The following KCNH1 variants were observed in gnomAD, a reference collection of about 807,000 sequenced individuals.
KCNH1 encodes voltage-gated delayed rectifier potassium channel KCNH1.
KCNH1 carries 27 observed loss-of-function variants against 69.2 expected under a neutral mutation model. The ratio of observed to expected loss-of-function variants is 0.39; its 90% CI spans 0.29 to 0.54. The LOEUF is 0.54. KCNH1 is among the 20% of genes least tolerant of loss of function. The probability of loss-of-function intolerance (pLI) is 0.68; values close to 1 mark genes in which losing one functional copy is unlikely to be tolerated. For synonymous variants in KCNH1, 456 were observed against 487.7 expected, an observed-to-expected ratio of 0.93 and a Z score of 0.86; for missense variants, 798 against 1,261.6, an observed-to-expected ratio of 0.63 and a Z score of 5.57.
At chr1:210,866,479 A>G (rs1574305664) in intron 7 of KCNH1, among the ~76,000 whole-genome samples, 1 of 152,338 alleles carries the variant, frequency 6.6e-6, no homozygotes. Flanking sequence ...TCTCCAAAGA[A>G]GATATAGAAA....
intron 7 of KCNH1, among the ~76,000 whole-genome samples, chr1:210,864,555 AC>A (rs1686062530): frequency 6.6e-6 from 1 of 152,186 alleles, no homozygotes; most frequent in Non-Finnish European, 1.5e-5. Context: ...ACGGATGGTA[AC>A]CCTAAGGGTT....
At chr1:210,929,714 A>G (rs1450710729) in intron 6 of KCNH1, among the ~76,000 whole-genome samples, 5 of 152,200 alleles carry the variant, frequency 3.3e-5, no homozygotes, top group African/African-American at 1.2e-4. Flanking sequence ...GGGCATCCGA[A>G]TCAATACAGA....
At chr1:211,004,091 CAAAAAAG>C (rs1353499286) in intron 6 of KCNH1, among the ~76,000 whole-genome samples, 3 of 151,186 alleles carry the variant, frequency 2.0e-5, no homozygotes, top group African/African-American at 4.9e-5. Flanking sequence ...GACTCTGTCT[CAAAAAAG>C]AAAAAAGAAA....
chr1:210,754,389 G>A (rs765144309), intron 10 of KCNH1, among the ~76,000 whole-genome samples: 3 of 152,150 alleles, frequency 2.0e-5, no homozygotes, highest in South Asian at 4.1e-4. Flanking sequence ...CCACTCTTAG[G>A]ACTAATCACT....
intron 7 of KCNH1, among the ~76,000 whole-genome samples, chr1:210,847,208 G>T (rs572788770): frequency 1.8e-3 from 272 of 152,260 alleles, no homozygotes; most frequent in African/African-American, 6.2e-3. Flanking sequence ...AATACCATTT[G>T]ACCCAGCCAT....
intron 10 of KCNH1, among the ~76,000 whole-genome samples, chr1:210,773,135 A>G (rs1358224151): frequency 6.6e-6 from 1 of 152,238 alleles, no homozygotes; most frequent in Non-Finnish European, 1.5e-5. Context: ...ATCAAAAAAT[A>G]GCTTATAAGA....
intron 6 of KCNH1, among the ~76,000 whole-genome samples, chr1:210,938,101 A>G (rs969746074): frequency 2.2e-4 from 33 of 152,312 alleles, no homozygotes; most frequent in African/African-American, 7.7e-4. Flanking sequence ...CCTTCAGTCT[A>G]TCTCCTAACC....
intron 1 of KCNH1, among the ~76,000 whole-genome samples, chr1:211,124,656 C>T (rs561695621): frequency 1.3e-5 from 2 of 152,132 alleles, no homozygotes; most frequent in Admixed American, 6.5e-5. Context: ...CCACTTTATC[C>T]AAAGAACAAG....
intron 6 of KCNH1, among the ~76,000 whole-genome samples, chr1:210,921,951 G>A (rs1018386514): frequency 5.3e-5 from 8 of 152,132 alleles, no homozygotes; most frequent in Non-Finnish European, 1.0e-4. Context: ...TGACAAATAC[G>A]GAGCCCCTCT....
At chr1:210,894,332 C>T (rs1250075624) in intron 7 of KCNH1, among the ~76,000 whole-genome samples, 1 of 152,190 alleles carries the variant, frequency 6.6e-6, no homozygotes, top group Non-Finnish European at 1.5e-5. Context: ...CAAGGAAAGA[C>T]CCTTCTGACT....
intron 10 of KCNH1, among the ~76,000 whole-genome samples, chr1:210,740,905 A>T (rs1683012768): frequency 6.6e-6 from 1 of 152,150 alleles, no homozygotes; most frequent in African/African-American, 2.4e-5. Flanking sequence ...AGGTAAAGCC[A>T]GCTCCAGAGG....
intron 5 of KCNH1, among the ~76,000 whole-genome samples, chr1:211,055,757 G>A (rs983327078): frequency 2.6e-5 from 4 of 152,124 alleles, no homozygotes; most frequent in Admixed American, 6.5e-5. Flanking sequence ...AAAGTTCTGG[G>A]GCCCCCCCAT....
rs1257620261 is a variant in KCNH1, at chr1:211,133,751, C to A, written c.79+116G>T. ...GCTGCCCTGGGTGCCCGCGCCGCGGCTCCTTAGCAGAGCTCGCGGGTTCTG... is the reference window on the plus strand; with the variant it reads ...GCTGCCCTGGGTGCCCGCGCCGCGGATCCTTAGCAGAGCTCGCGGGTTCTG... On this transcript the variant is annotated intron_variant, in intron 1 of 10. Coordinates refer to ENST00000271751, the MANE Select transcript of KCNH1 (RefSeq NM_172362.3). This position sits in a 1 kb window ranked among gnomAD's most constrained non-coding sequence, Gnocchi z 5.4. The A allele has an allele frequency of 5.2e-6, 5 of 959,628 alleles. No homozygotes were observed. The Admixed American group carries it at 1.1e-4, about 21-fold the overall frequency. The allele number at this position is 959,628 out of a possible 1,614,324, so 59.4% of individuals were successfully genotyped here.
intron 5 of KCNH1, among the ~76,000 whole-genome samples, chr1:211,049,492 T>C (rs116724632): frequency 0.026 from 4,032 of 152,250 alleles, 95 homozygotes; most frequent in African/African-American, 0.055. Context: ...TGGTTTGTTG[T>C]TGTTGTCATT....
rs1022548164 is a variant in KCNH1 at position 211,109,573 on chromosome 1, A to G, written c.80-2196T>C. On this transcript the variant is annotated intron_variant, in intron 1 of 10. Coordinates refer to ENST00000271751, the MANE Select transcript of KCNH1 (RefSeq NM_172362.3). ...ACACCTAGAGCAGGAGGAAAAACTG[A>G]GTGTGCTTTATCATGGCTAATGCTC... Among the ~76,000 whole-genome samples, 26 of 152,204 alleles carry G rather than the reference A, an allele frequency of 1.7e-4. 1 individual carries two copies. The highest frequency in any genetic ancestry group is 3.2e-3 in the Middle Eastern group (1 of 316).
chr1:210,782,419 C>A (rs1258712878), intron 9 of KCNH1, among the ~76,000 whole-genome samples: 3 of 152,034 alleles, frequency 2.0e-5, no homozygotes, highest in Non-Finnish European at 2.9e-5. Context: ...GAAGATGGAA[C>A]CTTTATGATT....
At chr1:210,909,119 T>C (rs1431171891) in intron 7 of KCNH1, among the ~76,000 whole-genome samples, 5 of 152,238 alleles carry the variant, frequency 3.3e-5, no homozygotes, top group Non-Finnish European at 7.3e-5. Flanking sequence ...ATGGAAACAT[T>C]TGTTAGTCTG....
chr1:210,909,271 C>T (rs1687177052), intron 7 of KCNH1, among the ~76,000 whole-genome samples: 1 of 152,210 alleles, frequency 6.6e-6, no homozygotes, highest in Admixed American at 6.5e-5. Flanking sequence ...AAGCATTGGG[C>T]TGTCCCTATT....
At chr1:210,744,243 C>T (rs941440602) in intron 10 of KCNH1, among the ~76,000 whole-genome samples, 2 of 152,214 alleles carry the variant, frequency 1.3e-5, no homozygotes, top group African/African-American at 4.8e-5. Context: ...ACCATCGGCC[C>T]ATGTAAGTCT....
Sources: allele counts gnomAD v4.1 joint callset (sites outside exome capture counted in the v4.1 genomes callset), GRCh38; gene constraint gnomAD v4.1.1; non-coding constraint Gnocchi (gnomAD v3.1); transcripts MANE v1.5; gene names NCBI Gene and HGNC (gene_info 2026-07-23, HGNC 2026-07-21).